SPTBN5: variants seen among roughly 807,000 people sequenced by gnomAD.
SPTBN5 encodes spectrin beta chain, non-erythrocytic 5.
In SPTBN5, 513 loss-of-function variants were observed where a neutral mutation model predicts 477.6. That is an observed-to-expected ratio of 1.07 (90% confidence interval 1.00 to 1.16). The LOEUF (loss-of-function observed/expected upper bound fraction) is 1.16. SPTBN5 is among the 50% of genes most tolerant of loss of function. The pLI is 0.00. For synonymous variants in SPTBN5, 2,169 were observed against 2,011.7 expected, an observed-to-expected ratio of 1.08 and a Z score of -2.09; for missense variants, 5,062 against 4,731.8, an observed-to-expected ratio of 1.07 and a Z score of -2.05.
intron 62 of SPTBN5, 162 bp downstream of exon 62, chr15:41,852,020 G>A (rs2140910339): frequency 2.1e-6 from 2 of 967,360 alleles, no homozygotes; most frequent in East Asian, 2.6e-5. Flanking sequence ...AGGGTGGTAT[G>A]GCTGTAGACA....
intron 25 of SPTBN5, 109 bp downstream of exon 25, chr15:41,873,736 C>T: frequency 6.6e-7 from 1 of 1,513,368 alleles, no homozygotes; most frequent in Admixed American, 1.8e-5. Context: ...CATCAGCTCC[C>T]AGCCCAGAGC....
chr15:41,853,929 G>T, intron 57 of SPTBN5, 121 bp downstream of exon 57: 1 of 1,440,554 alleles, frequency 6.9e-7, no homozygotes, highest in Non-Finnish European at 9.2e-7. Context: ...CCTCGGGGAA[G>T]GATCTGGGTT....
chr15:41,852,078 G>T, intron 62 of SPTBN5, 104 bp downstream of exon 62: 1 of 1,418,534 alleles, frequency 7.0e-7, no homozygotes, highest in Non-Finnish European at 9.5e-7. Flanking sequence ...CGGGCTCCCA[G>T]CACTGGCTCC....
rs1160627604 is a variant in SPTBN5 at position 41,850,580 on chromosome 15, TGA to T, written c.10921+272_10921+273del. On this transcript the variant is annotated intron_variant, in intron 66 of 67. Transcript: ENST00000320955. ...CTGGCAGGAAGGGCTTGGGGCAGTC[TGA>T]GTGGCAGACTCCAAAAGGGGCAGAA... 1.0e-4 allele frequency: 48 copies of T among 475,282 alleles called. No homozygotes were observed. The East Asian group carries it at 1.7e-3, about 17-fold the overall frequency. The allele number at this position is 475,282 out of a possible 1,614,324, so 29.4% of individuals were successfully genotyped here.
intron 16 of SPTBN5, among the ~76,000 whole-genome samples, chr15:41,878,942 T>G (rs908663422): frequency 3.9e-5 from 6 of 152,100 alleles, no homozygotes; most frequent in Admixed American, 2.6e-4. Context: ...GGTGGGCGCC[T>G]GTAGTCCCAG....
rs1368878267 is a variant in SPTBN5, at chr15:41,873,881, C to G, written c.4854G>C (p.Arg1618=). 6.2e-7 allele frequency: 1 copy of G among 1,611,270 alleles called. No homozygotes were observed. Among genetic ancestry groups the G allele is most frequent in the African/African-American group, 1.3e-5 (1 of 74,940 alleles). Residue 1618 remains arginine (R), a synonymous_variant, in exon 25 of 68, where the codon CGG becomes CGC. Coordinates refer to ENST00000320955, the MANE Select transcript of SPTBN5 (RefSeq NM_016642.4). ...TGACAGCCTGCTGCAGACACTGGGC[C>G]CGCGCTTCACATGCCCTCTCCAGCT... ...WAELERACEA[R]AQCLQQAVTF...
intron 62 of SPTBN5, 124 bp downstream of exon 62, chr15:41,852,058 C>T: frequency 1.6e-6 from 2 of 1,240,360 alleles, no homozygotes; most frequent in African/African-American, 3.0e-5. Context: ...TGACCTTCAG[C>T]TCCTGTGCCC....
chr15:41,878,291 A>G (rs563040554), intron 17 of SPTBN5, 51 bp downstream of exon 17: 280 of 1,585,064 alleles, frequency 1.8e-4, no homozygotes, highest in Non-Finnish European at 2.1e-4. Flanking sequence ...CCCAGAGCCC[A>G]GAGCCCTGGT....
intron 41 of SPTBN5, 43 bp from the exon 42 acceptor site, chr15:41,862,946 C>G (rs368603200): frequency 2.1e-4 from 319 of 1,528,720 alleles, no homozygotes; most frequent in Non-Finnish European, 2.7e-4. Flanking sequence ...GCCTTTGCTT[C>G]GGCTCCTCCT....
chr15:41,874,059 G>T lies in SPTBN5; in HGVS notation c.4690-14C>A, dbSNP rs1241329854. 5 of 1,575,622 alleles carry T rather than the reference G, an allele frequency of 3.2e-6. No individual in the cohort carries two copies. The African/African-American group carries it at 6.7e-5, about 21-fold the overall frequency. On this transcript the variant is annotated splice_polypyrimidine_tract_variant and intron_variant, in intron 24 of 67. Transcript: ENST00000320955. Reference sequence around the variant, plus strand: ...CACCTGGAGCTCCTGCCACAGAGTGGCTTGAGAGGCTGCTGCTCTTAACCC... The same window carrying T: ...CACCTGGAGCTCCTGCCACAGAGTGTCTTGAGAGGCTGCTGCTCTTAACCC...
In SPTBN5 at chr15:41,883,365, G is replaced by T. The variant is rs1219461350; in HGVS notation, c.1642C>A (p.Gln548Lys). 6.2e-7 allele frequency: 1 copy of T among 1,613,462 alleles called. No individual in the cohort carries two copies. Among genetic ancestry groups the T allele is most frequent in the Admixed American group, 1.7e-5 (1 of 60,020 alleles). Reference sequence around the variant, plus strand: ...GTGCCCACCTGCAGCTCCTCCAGCTGGTGGGAGGCAGCCTCCACCTCCTGC... The same window carrying T: ...GTGCCCACCTGCAGCTCCTCCAGCTTGTGGGAGGCAGCCTCCACCTCCTGC... ...LLQEVEAASH[Q>K]LEELQEPARS... The change falls in exon 8 of 68, where the codon CAG (glutamine) becomes AAG (lysine). Residue 548 changes from glutamine (Q) to lysine (K), a missense_variant. By Grantham distance (53) the Gln-to-Lys change is moderately conservative. Coordinates refer to ENST00000320955, the MANE Select transcript of SPTBN5 (RefSeq NM_016642.4).
At position 41,873,826 on chromosome 15, in the gene SPTBN5, C is replaced by T. The variant is rs1165274139; in HGVS notation, c.4890+19G>A. 2 of 1,608,106 alleles carry T rather than the reference C, an allele frequency of 1.2e-6. No homozygotes were observed. The highest frequency in any genetic ancestry group is 1.7e-6 in the Non-Finnish European group (2 of 1,179,738). The stretch of plus-strand genomic sequence containing the variant: ...CTGACTTCTGCCTCTTCCCCCAACC[C>T]CACCTCTCTGCATCCTACCTGCTGG... On this transcript the variant is annotated intron_variant, in intron 25 of 67. Transcript: ENST00000320955.
chr15:41,849,886 C>G lies in SPTBN5; in HGVS notation c.10995G>C (p.Arg3665=). The G allele has an allele frequency of 6.3e-7, 1 of 1,583,510 alleles. No homozygotes were observed. Among genetic ancestry groups the G allele is most frequent in the East Asian group, 2.3e-5 (1 of 43,380 alleles). ...SLNECTTKDA[R]PGCLLRSDP ...TGTCCCACCTGAGTAGACATCCAGG[C>G]CGGGCATCCTTGGTCGTGCACTCAT... Residue 3665 remains arginine, a synonymous_variant, in exon 67 of 68, where the codon CGG becomes CGC. Coordinates refer to ENST00000320955, the MANE Select transcript of SPTBN5 (RefSeq NM_016642.4).
rs1370508231 is a variant in SPTBN5 at position 41,855,645 on chromosome 15, AG to A, written c.9121del (p.Leu3041TrpfsTer37). ...AEATQALLRR[L>X]EATKRDLEAF... Reference sequence around the variant, plus strand: ...TTCCAGGTCTCTCTTGGTGGCCTCCAGCCGCCGCAGAAGGGCCTGTGTGGCT... The same window carrying A: ...TTCCAGGTCTCTCTTGGTGGCCTCCACCGCCGCAGAAGGGCCTGTGTGGCT... On this transcript the variant is annotated frameshift_variant, in exon 54 of 68. Transcript: ENST00000320955. LOFTEE classifies it high-confidence loss of function. The A allele has an allele frequency of 1.9e-6, 3 of 1,607,902 alleles. No individual in the cohort carries two copies. Among genetic ancestry groups the A allele is most frequent in the Non-Finnish European group, 2.5e-6 (3 of 1,178,838 alleles).
Position 41,874,029 on chromosome 15 carries a change from A to G in SPTBN5, c.4706T>C (p.Val1569Ala), listed in dbSNP as rs1354220501. The change falls in exon 25 of 68, where the codon GTA becomes GCA. Residue 1569 changes from valine to alanine, a missense_variant. Val to Ala is a moderately conservative substitution (Grantham distance 64, BLOSUM62 0). Transcript: ENST00000320955. ...HRKHKELQVE[V>A]KAHQGQVQRV... Reference sequence around the variant, plus strand: ...TTGCACCTGCCCCTGGTGAGCTTTTACCTCCACCTGGAGCTCCTGCCACAG... The same window carrying G: ...TTGCACCTGCCCCTGGTGAGCTTTTGCCTCCACCTGGAGCTCCTGCCACAG... 6.3e-7 allele frequency: 1 copy of G among 1,594,026 alleles called. No individual in the cohort carries two copies. Among genetic ancestry groups the G allele is most frequent in the Admixed American group, 1.7e-5 (1 of 58,600 alleles).
chr15:41,890,815 A>C (rs1171742753), intron 3 of SPTBN5, among the ~76,000 whole-genome samples: 2 of 152,192 alleles, frequency 1.3e-5, no homozygotes, highest in East Asian at 3.9e-4. Flanking sequence ...TCTGCCCTAC[A>C]TCCTGCCATT....
In SPTBN5 at chr15:41,881,942, T is replaced by A; in HGVS notation, c.2451A>T (p.Leu817Phe). 1 of 1,528,336 alleles carries A rather than the reference T, an allele frequency of 6.5e-7. No individual in the cohort carries two copies. Among genetic ancestry groups the A allele is most frequent in the African/African-American group, 1.4e-5 (1 of 70,694 alleles). 94.7% of individuals were successfully genotyped at this position (1,528,336 alleles called of 1,614,324 possible). The change falls in exon 12 of 68, where the codon TTA (leucine) becomes TTT (phenylalanine). Residue 817 changes from leucine to phenylalanine, a missense_variant. Physicochemically the swap from Leu to Phe is conservative, Grantham distance 22. Coordinates refer to ENST00000320955, the MANE Select transcript of SPTBN5 (RefSeq NM_016642.4). ...TCCCTGTCCCCGTCCTCACCGTGAA[T>A]AACGACGCCCGGGCCGAGGCCGCCC... Reference protein sequence around the residue: ...QGRAASARASLFTVNSALSPP... With the variant: ...QGRAASARASFFTVNSALSPP...
Position 41,892,975 on chromosome 15 carries a change from G to A in SPTBN5, c.303C>T (p.Ala101=), listed in dbSNP as rs1376805640. 3 of 1,609,476 alleles carry A rather than the reference G, an allele frequency of 1.9e-6. No homozygotes were observed. Among genetic ancestry groups the A allele is most frequent in the Non-Finnish European group, 2.5e-6 (3 of 1,179,720 alleles). ...LRLLELISGE[A]LPPPSRGRLR... ...GGCGGCCCCGGCTCGGGGGTGGCAG[G>A]GCCTCCCCTGAGATGAGCTCCAGCA... Residue 101 remains alanine (A), a synonymous_variant, in exon 3 of 68, where the codon GCC becomes GCT. Coordinates refer to ENST00000320955, the MANE Select transcript of SPTBN5 (RefSeq NM_016642.4).
At chr15:41,874,140 C>T in intron 24 of SPTBN5, 95 bp from the exon 25 acceptor site, 1 of 1,503,402 alleles carries the variant, frequency 6.7e-7, no homozygotes, top group Non-Finnish European at 9.0e-7. Context: ...CATGGCAAGA[C>T]CCCCAGGGTC....
Sources: allele counts gnomAD v4.1 joint callset (sites outside exome capture counted in the v4.1 genomes callset), GRCh38; gene constraint gnomAD v4.1.1; transcripts MANE v1.5; gene names NCBI Gene and HGNC (gene_info 2026-07-23, HGNC 2026-07-21).